Variants in SPRN observed in about 807,000 individuals in gnomAD.
SPRN encodes hypothetical protein BC004409.
For synonymous variants in SPRN, 182 were observed against 123.4 expected (o/e 1.48, Z -3.15); for missense variants, 312 against 241.4 (o/e 1.29, Z -1.94).
At position 133,423,464 on chromosome 10, in the gene SPRN, G is replaced by A. The variant is rs1333096139; in HGVS notation, c.218C>T (p.Ala73Val). The A allele has an allele frequency of 3.4e-6, 4 of 1,170,718 alleles. No homozygotes were observed. The highest frequency in any genetic ancestry group is 3.1e-6 in the Non-Finnish European group (3 of 957,768). 72.5% of individuals were successfully genotyped at this position (1,170,718 alleles called of 1,614,324 possible). Residue 73 changes from alanine to valine, a missense_variant, in exon 2 of 2, where the codon GCC becomes GTC. By Grantham distance (64) the Ala-to-Val change is moderately conservative. Transcript: ENST00000685335. ...SLRVAAAGAA[A>V]GAAAGAAAGL... ...CGCGGCCGCTCCCGCCGCCGCCCCGGCTGCCGCCCCGGCGGCAGCCACGCG... is the reference window on the plus strand; with the variant it reads ...CGCGGCCGCTCCCGCCGCCGCCCCGACTGCCGCCCCGGCGGCAGCCACGCG...
Position 133,423,394 on chromosome 10 carries a change from C to T in SPRN, c.288G>A (p.Gly96=). 3.3e-6 allele frequency: 5 copies of T among 1,492,872 alleles called. No individual in the cohort carries two copies. Among genetic ancestry groups the T allele is most frequent in the South Asian group, 2.5e-5 (2 of 79,972 alleles). 92.5% of individuals were successfully genotyped at this position (1,492,872 alleles called of 1,614,324 possible). The stretch of plus-strand genomic sequence containing the variant: ...CCTCCTCGTCCTCCAGGCCGCGTTC[C>T]CCGGGTCCCGCGGCCCTTCTCCAGC... The part of the protein sequence containing the change: ...GSGWRRAAGP[G]ERGLEDEEDG... Residue 96 remains glycine (G), a synonymous_variant, in exon 2 of 2, where the codon GGG becomes GGA. Transcript: ENST00000685335.
At chr10:133,423,928 C>T (rs1217497412) in intron 1 of SPRN, among the ~76,000 whole-genome samples, 298 of 151,688 alleles carry the variant, frequency 2.0e-3, no homozygotes, top group African/African-American at 6.8e-3. Flanking sequence ...GGGTTCTGCA[C>T]CTGAAGGTTG....
Position 133,422,965 on chromosome 10 carries a change from GC to G in SPRN, c.*260del. On this transcript the variant is annotated 3_prime_UTR_variant, in exon 2 of 2. Transcript: ENST00000685335. ...TGGGCGGTTGGTACAGGAGCCACAG[GC>G]AGCTGCCTTTTTGGCTGAGGGGACC... 2.6e-6 allele frequency: 1 copy of G among 383,782 alleles called. No individual in the cohort carries two copies. Among genetic ancestry groups the G allele is most frequent in the Admixed American group, 4.5e-5 (1 of 22,078 alleles). 23.8% of individuals were successfully genotyped at this position (383,782 alleles called of 1,614,324 possible). A position where few individuals can be genotyped will look rare whatever the true frequency, so the allele number is the denominator to read the frequency against.
rs763559517 is a variant in SPRN at position 133,423,418 on chromosome 10, G to A, written c.264C>T (p.Gly88=). Residue 88 remains glycine (G), a synonymous_variant, in exon 2 of 2, where the codon GGC becomes GGT. Transcript: ENST00000685335. ...CCCCGGGTCCCGCGGCCCTTCTCCA[G>A]CCCGAGCCCGCCGCCAGGCCCGCGG... is the stretch of plus-strand genomic sequence containing the variant. ...GAAAGLAAGS[G]WRRAAGPGER... 2 of 1,380,522 alleles carry A rather than the reference G, an allele frequency of 1.4e-6. No homozygotes were observed. Among genetic ancestry groups the A allele is most frequent in the African/African-American group, 1.5e-5 (1 of 66,844 alleles). The allele number at this position is 1,380,522 out of a possible 1,614,324, so 85.5% of individuals were successfully genotyped here. A position where few individuals can be genotyped will look rare whatever the true frequency, so the allele number is the denominator to read the frequency against.
rs1166221140 is a variant in SPRN at position 133,420,899 on chromosome 10, A to T, written c.*2327T>A. Reference sequence around the variant, plus strand: ...CACCTTCTAGCTCACGGGTAGTGGGATTCTGCATTAGTGGGGCTGAGAGAT... The same window carrying T: ...CACCTTCTAGCTCACGGGTAGTGGGTTTCTGCATTAGTGGGGCTGAGAGAT... On this transcript the variant is annotated 3_prime_UTR_variant, in exon 2 of 2. Coordinates refer to ENST00000685335, the MANE Select transcript of SPRN (RefSeq NM_001391974.1). 1 of 152,386 alleles carries T rather than the reference A, an allele frequency of 6.6e-6. No individual in the cohort carries two copies. Among genetic ancestry groups the T allele is most frequent in the East Asian group, 1.9e-4 (1 of 5,198 alleles). The allele number at this position is 152,386 out of a possible 1,614,324, so 9.4% of individuals were successfully genotyped here. A position where few individuals can be genotyped will look rare whatever the true frequency, so the allele number is the denominator to read the frequency against.
rs192523020 is a variant in SPRN, at chr10:133,423,010, T to C, written c.*216A>G. The stretch of plus-strand genomic sequence containing the variant: ...GGGGACCCTAACATCCTGGAGTGGG[T>C]GGGGCAGGGCCCATGGTCTCCTCTA... On this transcript the variant is annotated 3_prime_UTR_variant, in exon 2 of 2. Coordinates refer to ENST00000685335, the MANE Select transcript of SPRN (RefSeq NM_001391974.1). 8.6e-6 allele frequency: 4 copies of C among 465,828 alleles called. No individual in the cohort carries two copies. The highest frequency in any genetic ancestry group is 4.0e-5 in the South Asian group (1 of 24,834). 28.9% of individuals were successfully genotyped at this position (465,828 alleles called of 1,614,324 possible). A position where few individuals can be genotyped will look rare whatever the true frequency, so the allele number is the denominator to read the frequency against.
Position 133,423,302 on chromosome 10 carries a change from GCGCCCGAAGTCCA to G in SPRN, c.367_379del (p.Trp123LeufsTer90). On this transcript the variant is annotated frameshift_variant, in exon 2 of 2. Transcript: ENST00000685335. LOFTEE classifies it low-confidence loss of function (END_TRUNC). ...GAGACGCGGGCCGCGCGTGGGTCCA[GCGCCCGAAGTCCA>G]CGCCCGGTAGCTGTAGATGCCGGGG... 1 of 1,521,678 alleles carries G rather than the reference GCGCCCGAAGTCCA, an allele frequency of 6.6e-7. No homozygotes were observed. Among genetic ancestry groups the G allele is most frequent in the Non-Finnish European group, 8.8e-7 (1 of 1,140,026 alleles). The allele number at this position is 1,521,678 out of a possible 1,614,324, so 94.3% of individuals were successfully genotyped here.
Position 133,423,197 on chromosome 10 carries a change from C to T in SPRN, c.*29G>A. On this transcript the variant is annotated 3_prime_UTR_variant, in exon 2 of 2. Coordinates refer to ENST00000685335, the MANE Select transcript of SPRN (RefSeq NM_001391974.1). Reference sequence around the variant, plus strand: ...CCTGGGGGATGGCGCGGGCCGGGGGCCAGATGTGGTCCCCGAGCCCAGCCA... The same window carrying T: ...CCTGGGGGATGGCGCGGGCCGGGGGTCAGATGTGGTCCCCGAGCCCAGCCA... 1 of 1,391,670 alleles carries T rather than the reference C, an allele frequency of 7.2e-7. No individual in the cohort carries two copies. The highest frequency in any genetic ancestry group is 9.3e-7 in the Non-Finnish European group (1 of 1,071,882). The allele number at this position is 1,391,670 out of a possible 1,614,324, so 86.2% of individuals were successfully genotyped here.
In SPRN at chr10:133,423,674, C is replaced by T; in HGVS notation, c.8G>A (p.Trp3Ter). The change falls in exon 2 of 2, where the codon TGG becomes TAG. Residue 3 changes from tryptophan (W) to a stop codon, truncating the protein, a stop_gained. Coordinates refer to ENST00000685335, the MANE Select transcript of SPRN (RefSeq NM_001391974.1). LOFTEE classifies it low-confidence loss of function (END_TRUNC). MN[W>*]APATCWALLL... ...CAGAGCCCAGCACGTTGCGGGTGCC[C>T]AGTTCATCTTCGTGGGGCTAAACCT... 6.3e-7 allele frequency: 1 copy of T among 1,579,524 alleles called. No homozygotes were observed. Among genetic ancestry groups the T allele is most frequent in the Non-Finnish European group, 8.6e-7 (1 of 1,163,454 alleles).
In SPRN at chr10:133,423,198, C is replaced by A; in HGVS notation, c.*28G>T. On this transcript the variant is annotated 3_prime_UTR_variant, in exon 2 of 2. Transcript: ENST00000685335. ...CTGGGGGATGGCGCGGGCCGGGGGC[C>A]AGATGTGGTCCCCGAGCCCAGCCAG... The A allele has an allele frequency of 7.2e-7, 1 of 1,393,198 alleles. No individual in the cohort carries two copies. The highest frequency in any genetic ancestry group is 9.3e-7 in the Non-Finnish European group (1 of 1,072,824). The allele number at this position is 1,393,198 out of a possible 1,614,324, so 86.3% of individuals were successfully genotyped here.
At position 133,423,346 on chromosome 10, in the gene SPRN, C is replaced by A; in HGVS notation, c.336G>T (p.Gly112=). Residue 112 remains glycine (G), a synonymous_variant, in exon 2 of 2, where the codon GGG becomes GGT. Transcript: ENST00000685335. ...DEEDGVPGGN[G]TGPGIYSYRA... is the part of the protein sequence containing the mutation. ...GGTAGCTGTAGATGCCGGGGCCTGTCCCGTTGCCTCCGGGCACCCCGTCCT... is the reference window on the plus strand; with the variant it reads ...GGTAGCTGTAGATGCCGGGGCCTGTACCGTTGCCTCCGGGCACCCCGTCCT... 6.6e-7 allele frequency: 1 copy of A among 1,518,188 alleles called. No homozygotes were observed. The highest frequency in any genetic ancestry group is 8.8e-7 in the Non-Finnish European group (1 of 1,138,390). The allele number at this position is 1,518,188 out of a possible 1,614,324, so 94.0% of individuals were successfully genotyped here. A position where few individuals can be genotyped will look rare whatever the true frequency, so the allele number is the denominator to read the frequency against.
intron 1 of SPRN, 122 bp from the exon 2 acceptor site, chr10:133,423,819 T>C (rs1850308302): frequency 1.6e-6 from 1 of 627,138 alleles, no homozygotes; most frequent in African/African-American, 1.9e-5. Context: ...GCCCCCAGCA[T>C]CTTGGAGGCC....
chr10:133,422,858 G>C lies in SPRN; in HGVS notation c.*368C>G. ...CGCCTCCCTGCCCGTGAGTCACCAC[G>C]GCCCCTGGGCAGGCGAGGGGAGCCG... On this transcript the variant is annotated 3_prime_UTR_variant, in exon 2 of 2. Coordinates refer to ENST00000685335, the MANE Select transcript of SPRN (RefSeq NM_001391974.1). 1 of 194,262 alleles carries C rather than the reference G, an allele frequency of 5.1e-6. No individual in the cohort carries two copies. 12.0% of individuals were successfully genotyped at this position (194,262 alleles called of 1,614,324 possible).
rs1197915984 is a variant in SPRN at position 133,422,045 on chromosome 10, AAC to A, written c.*1179_*1180del. 6.5e-6 allele frequency: 1 copy of A among 153,320 alleles called. No homozygotes were observed. The highest frequency in any genetic ancestry group is 1.5e-5 in the Non-Finnish European group (1 of 68,636). The allele number at this position is 153,320 out of a possible 1,614,324, so 9.5% of individuals were successfully genotyped here. On this transcript the variant is annotated 3_prime_UTR_variant, in exon 2 of 2. Coordinates refer to ENST00000685335, the MANE Select transcript of SPRN (RefSeq NM_001391974.1). ...GACTGGGAAGCAGAGGGCTGGTCTT[AAC>A]ACAGGTGTGTCCAGTGCTGGAGGCA...
At position 133,423,246 on chromosome 10, in the gene SPRN, G is replaced by A. The variant is rs1218285252; in HGVS notation, c.436C>T (p.Leu146=). ...CLVLGGALGA[L]GLLRP Reference sequence around the variant, plus strand: ...CAGGCCTAGGGCCGCAGCAGCCCCAGGGCTCCGAGGGCGCCGCCCAGCACG... The same window carrying A: ...CAGGCCTAGGGCCGCAGCAGCCCCAAGGCTCCGAGGGCGCCGCCCAGCACG... Residue 146 remains leucine (L), a synonymous_variant, in exon 2 of 2, where the codon CTG becomes TTG. Coordinates refer to ENST00000685335, the MANE Select transcript of SPRN (RefSeq NM_001391974.1). 1 of 1,478,740 alleles carries A rather than the reference G, an allele frequency of 6.8e-7. No homozygotes were observed. The highest frequency in any genetic ancestry group is 1.5e-5 in the African/African-American group (1 of 68,720). 91.6% of individuals were successfully genotyped at this position (1,478,740 alleles called of 1,614,324 possible).
intron 1 of SPRN, among the ~76,000 whole-genome samples, 151 bp downstream of exon 1, chr10:133,424,322 C>T (rs1850320776): frequency 7.0e-6 from 1 of 143,416 alleles, no homozygotes; most frequent in African/African-American, 2.7e-5. Context: ...AATGCCGTCC[C>T]CGGCCGCCTA....
chr10:133,424,319 TC>T (rs1850320698), intron 1 of SPRN, among the ~76,000 whole-genome samples, 153 bp downstream of exon 1: 2 of 142,298 alleles, frequency 1.4e-5, no homozygotes, highest in Admixed American at 1.4e-4. Flanking sequence ...CTCAATGCCG[TC>T]CCCGGCCGCC....
chr10:133,423,028 C>T lies in SPRN; in HGVS notation c.*198G>A. Reference sequence around the variant, plus strand: ...GAGTGGGTGGGGCAGGGCCCATGGTCTCCTCTAGGTGGGAGGTGGCAGGCT... The same window carrying T: ...GAGTGGGTGGGGCAGGGCCCATGGTTTCCTCTAGGTGGGAGGTGGCAGGCT... On this transcript the variant is annotated 3_prime_UTR_variant, in exon 2 of 2. Coordinates refer to ENST00000685335, the MANE Select transcript of SPRN (RefSeq NM_001391974.1). The T allele has an allele frequency of 1.9e-6, 1 of 526,588 alleles. No individual in the cohort carries two copies. Among genetic ancestry groups the T allele is most frequent in the Non-Finnish European group, 3.2e-6 (1 of 308,692 alleles). 32.6% of individuals were successfully genotyped at this position (526,588 alleles called of 1,614,324 possible).
rs1247045150 is a variant in SPRN at position 133,423,328 on chromosome 10, G to T, written c.354C>A (p.Tyr118Ter). Residue 118 changes from tyrosine (Y) to a stop codon, truncating the protein, a stop_gained, in exon 2 of 2, where the codon TAC (tyrosine) becomes TAA (stop). Transcript: ENST00000685335. LOFTEE classifies it low-confidence loss of function (END_TRUNC). ...PGGNGTGPGI[Y>*]SYRAWTSGAG... ...CGCCCGAAGTCCACGCCCGGTAGCTGTAGATGCCGGGGCCTGTCCCGTTGC... is the reference window on the plus strand; with the variant it reads ...CGCCCGAAGTCCACGCCCGGTAGCTTTAGATGCCGGGGCCTGTCCCGTTGC... The T allele has an allele frequency of 7.9e-6, 12 of 1,522,796 alleles. No homozygotes were observed. Among genetic ancestry groups the T allele is most frequent in the Non-Finnish European group, 1.1e-5 (12 of 1,140,422 alleles). 94.3% of individuals were successfully genotyped at this position (1,522,796 alleles called of 1,614,324 possible).
Sources: gnomAD v4.1 joint callset for allele counts (sites outside exome capture counted in the v4.1 genomes callset) on GRCh38, gnomAD v4.1.1 for gene constraint, MANE v1.5 for transcripts, NCBI Gene and HGNC (gene_info 2026-07-23, HGNC 2026-07-21) for gene names.